The following PHF2 variants were observed in gnomAD, a reference collection of about 807,000 sequenced individuals.
PHF2 encodes lysine-specific demethylase PHF2.
A neutral mutation model predicts 120.5 loss-of-function variants in PHF2; 27 were observed. The observed-to-expected ratio is 0.22, with a 90% CI of 0.17 to 0.31. The LOEUF is 0.31. PHF2 is among the 10% of genes least tolerant of loss of function. PHF2 has a pLI of 1.00. For synonymous variants in PHF2, 568 were observed against 592.5 expected (o/e 0.96, Z 0.60); for missense variants, 1,024 against 1,434.8 (o/e 0.71, Z 4.63).
At chr9:93,663,461 T>A (rs1826615674) in intron 13 of PHF2, 56 bp from the exon 14 acceptor site, 8 of 1,072,792 alleles carry the variant, frequency 7.5e-6, no homozygotes, top group Non-Finnish European at 5.6e-6. Flanking sequence ...CTAATTGGGG[T>A]CCTGACCCCC....
rs1297686405 is a variant in PHF2 at position 93,662,896 on chromosome 9, C to G, written c.1699-11C>G. 1 of 1,613,566 alleles carries G rather than the reference C, an allele frequency of 6.2e-7. No homozygotes were observed. ...TGTCTGCCTCTGGGTCACAGCAGCC[C>G]TTTTTTCTAGGCCACAAAGAGTGTC... is the stretch of plus-strand genomic sequence containing the variant. On this transcript the variant is annotated splice_polypyrimidine_tract_variant and intron_variant, in intron 12 of 21. Coordinates refer to ENST00000359246, the MANE Select transcript of PHF2 (RefSeq NM_005392.4).
chr9:93,643,574 C>T (rs906177711), intron 3 of PHF2, among the ~76,000 whole-genome samples: 4 of 152,186 alleles, frequency 2.6e-5, no homozygotes, highest in African/African-American at 9.6e-5. Context: ...GGCATTGCAG[C>T]CCTCTAGTTC....
intron 2 of PHF2, among the ~76,000 whole-genome samples, chr9:93,632,990 C>T (rs1329552844): frequency 6.6e-6 from 1 of 152,162 alleles, no homozygotes; most frequent in Non-Finnish European, 1.5e-5. Context: ...GCCTTGCACA[C>T]CAAGGCACAC....
intron 1 of PHF2, among the ~76,000 whole-genome samples, chr9:93,626,532 C>T (rs1825917773): frequency 6.6e-6 from 1 of 152,072 alleles, no homozygotes; most frequent in Non-Finnish European, 1.5e-5. Context: ...ATGTCACTTG[C>T]CTTCTTACTC....
intron 1 of PHF2, among the ~76,000 whole-genome samples, chr9:93,622,192 T>TA (rs1825837192): frequency 6.6e-6 from 1 of 152,176 alleles, no homozygotes. Context: ...AGGACTTCCT[T>TA]ACATTCACAG....
Position 93,616,957 on chromosome 9 carries a change from AT to A in PHF2, c.99-13003del, listed in dbSNP as rs894659607. 4.2e-3 allele frequency among the ~76,000 whole-genome samples: 631 copies of A among 150,456 alleles called. 3 individuals carry two copies. Among genetic ancestry groups the A allele is most frequent in the African/African-American group, 0.014 (591 of 41,130 alleles). On this transcript the variant is annotated intron_variant, in intron 1 of 21. Coordinates refer to ENST00000359246, the MANE Select transcript of PHF2 (RefSeq NM_005392.4). ...AGGTATGAGCCACTGCACCCAGCCA[AT>A]TTTTTTTTTAAATGTCAAAATTAGG... is the stretch of plus-strand genomic sequence containing the variant.
chr9:93,656,133 G>A lies in PHF2; in HGVS notation c.1040+112G>A. 1.2e-6 allele frequency: 1 copy of A among 829,908 alleles called. No individual in the cohort carries two copies. Among genetic ancestry groups the A allele is most frequent in the Non-Finnish European group, 1.9e-6 (1 of 513,588 alleles). 51.4% of individuals were successfully genotyped at this position (829,908 alleles called of 1,614,324 possible). A position where few individuals can be genotyped will look rare whatever the true frequency, so the allele number is the denominator to read the frequency against. ...GTCCTGGCACAGCCCGCCTGTGGGT[G>A]GCCTGGACATGACCGTCAGCCTCGG... On this transcript the variant is annotated intron_variant, in intron 8 of 21. Coordinates refer to ENST00000359246, the MANE Select transcript of PHF2 (RefSeq NM_005392.4). The surrounding 1 kb of genome is among the most constrained non-coding windows in gnomAD (Gnocchi z 4.1).
intron 3 of PHF2, 52 bp from the exon 4 acceptor site, chr9:93,645,577 G>C (rs75748099): frequency 6.7e-7 from 1 of 1,497,024 alleles, no homozygotes; most frequent in African/African-American, 1.4e-5. Flanking sequence ...CACCTGTCCC[G>C]GTGCAGGAGG....
intron 7 of PHF2, among the ~76,000 whole-genome samples, chr9:93,655,597 G>A (rs1471667112): frequency 2.6e-5 from 4 of 152,222 alleles, no homozygotes; most frequent in Non-Finnish European, 4.4e-5. Flanking sequence ...CCCTCAAGTG[G>A]TCTGAGTGAG....
At chr9:93,624,482 ATG>A (rs1825874775) in intron 1 of PHF2, among the ~76,000 whole-genome samples, 2 of 130,556 alleles carry the variant, frequency 1.5e-5, no homozygotes, top group South Asian at 5.1e-4. Context: ...TGTGGCGGTG[ATG>A]GTGATGGTGG....
At chr9:93,631,110 G>C (rs917432079) in intron 2 of PHF2, among the ~76,000 whole-genome samples, 5 of 152,124 alleles carry the variant, frequency 3.3e-5, no homozygotes, top group African/African-American at 1.2e-4. Flanking sequence ...GGGAGGATGC[G>C]GGCAATAGGT....
chr9:93,591,162 C>A (rs1025967292), intron 1 of PHF2, among the ~76,000 whole-genome samples: 5 of 152,198 alleles, frequency 3.3e-5, no homozygotes, highest in African/African-American at 1.2e-4. Context: ...GACTCAAGGT[C>A]CCAGCACCCC....
At chr9:93,609,259 G>A (rs185857284) in intron 1 of PHF2, among the ~76,000 whole-genome samples, 4 of 152,060 alleles carry the variant, frequency 2.6e-5, no homozygotes, top group African/African-American at 9.6e-5. Context: ...TCATGAAGTA[G>A]TCATGAAGTA....
chr9:93,665,359 G>A (rs778362322), intron 14 of PHF2, among the ~76,000 whole-genome samples: 8 of 152,224 alleles, frequency 5.3e-5, no homozygotes, highest in Non-Finnish European at 8.8e-5. Flanking sequence ...GGCTCTCTCT[G>A]CCTGAATGTG....
At chr9:93,579,374 T>G (rs775184700) in intron 1 of PHF2, among the ~76,000 whole-genome samples, 1 of 152,202 alleles carries the variant, frequency 6.6e-6, no homozygotes, top group Non-Finnish European at 1.5e-5. Context: ...ATGGTACAGT[T>G]TCCCTGTATC....
intron 1 of PHF2, among the ~76,000 whole-genome samples, chr9:93,600,941 ATTAACT>A (rs1825428532): frequency 6.6e-6 from 1 of 152,244 alleles, no homozygotes. Flanking sequence ...TCAAGGAACA[ATTAACT>A]TTAAGTTTGT....
chr9:93,619,816 G>C (rs979903181), intron 1 of PHF2, among the ~76,000 whole-genome samples: 2 of 152,164 alleles, frequency 1.3e-5, no homozygotes, highest in Non-Finnish European at 2.9e-5. Context: ...AGGGAAAGGG[G>C]CCGGCCAACT....
At chr9:93,658,505 C>T (rs916981526) in intron 10 of PHF2, among the ~76,000 whole-genome samples, 2 of 152,142 alleles carry the variant, frequency 1.3e-5, no homozygotes, top group African/African-American at 4.8e-5. Flanking sequence ...ATCAGGGGCT[C>T]ACAGCTTAGT....
intron 5 of PHF2, among the ~76,000 whole-genome samples, 162 bp downstream of exon 5, chr9:93,649,374 CT>C (rs752368762): frequency 0.024 from 2,580 of 105,866 alleles, 32 homozygotes; most frequent in African/African-American, 0.058. Flanking sequence ...AAATTTTTTC[CT>C]TTTTTTTTTT....
Sources: allele counts gnomAD v4.1 joint callset (sites outside exome capture counted in the v4.1 genomes callset), GRCh38; gene constraint gnomAD v4.1.1; non-coding constraint Gnocchi (gnomAD v3.1); transcripts MANE v1.5; gene names NCBI Gene and HGNC (gene_info 2026-07-23, HGNC 2026-07-21).